The following XNDC1N variants were observed in gnomAD, a reference collection of about 807,000 sequenced individuals.
XNDC1N encodes the protein protein XNDC1N.
chr11:71,866,389 T>C, the XNDC1N span, among the ~76,000 whole-genome samples: 3 of 152,196 alleles, frequency 2.0e-5, no homozygotes, highest in Non-Finnish European at 4.4e-5. Flanking sequence ...GTTTACTGTA[T>C]ACAATGATAT....
the XNDC1N span, chr11:71,903,409 AC>A: frequency 7.4e-7 from 1 of 1,351,346 alleles, no homozygotes; most frequent in Non-Finnish European, 1.1e-6. Flanking sequence ...CATCGGTTTC[AC>A]CTCCACACGG....
At chr11:71,878,490 TG>T in the XNDC1N span, 27 of 1,611,720 alleles carry the variant, frequency 1.7e-5, no homozygotes, top group East Asian at 1.3e-4. Context: ...GTCCTTTCCT[TG>T]ATGTCCACAG....
the XNDC1N span, among the ~76,000 whole-genome samples, chr11:71,879,998 G>A: frequency 1.3e-5 from 2 of 151,602 alleles, no homozygotes; most frequent in African/African-American, 4.8e-5. Context: ...ACACTCTAAA[G>A]GAATGAATTT....
chr11:71,883,727 A>T, the XNDC1N span, among the ~76,000 whole-genome samples: 2 of 152,058 alleles, frequency 1.3e-5, no homozygotes, highest in South Asian at 4.1e-4. Context: ...TTTGGGAAGG[A>T]TTGGTATGTT....
chr11:71,884,416 T>G, the XNDC1N span: 3 of 1,586,310 alleles, frequency 1.9e-6, no homozygotes, highest in Admixed American at 3.6e-5. Flanking sequence ...GCCAGAAGCT[T>G]CACTTCTAAT....
At chr11:71,887,191 G>A in the XNDC1N span, among the ~76,000 whole-genome samples, 1 of 152,168 alleles carries the variant, frequency 6.6e-6, no homozygotes, top group Non-Finnish European at 1.5e-5. Context: ...GCTAGTAACC[G>A]CCCCGGTCGC....
At chr11:71,909,355 C>G in the XNDC1N span, among the ~76,000 whole-genome samples, 2 of 151,548 alleles carry the variant, frequency 1.3e-5, no homozygotes, top group African/African-American at 2.4e-5. Flanking sequence ...GAAGGGAGGC[C>G]CTGGGAAAGA....
chr11:71,915,282 A>T, the XNDC1N span, among the ~76,000 whole-genome samples: 149 of 152,188 alleles, frequency 9.8e-4, no homozygotes, highest in African/African-American at 3.4e-3. Context: ...CCCTGTCTCT[A>T]CTAAAAATAC....
At chr11:71,901,878 A>G in the XNDC1N span, among the ~76,000 whole-genome samples, 1 of 152,102 alleles carries the variant, frequency 6.6e-6, no homozygotes, top group Admixed American at 6.5e-5. Flanking sequence ...AAGTAAAGGC[A>G]AAATGAATTT....
At chr11:71,871,397 A>G in the XNDC1N span, among the ~76,000 whole-genome samples, 1,550 of 152,324 alleles carry the variant, frequency 0.01, 14 homozygotes, top group South Asian at 0.019. Flanking sequence ...TAAGGATATC[A>G]TGGTCAAACA....
the XNDC1N span, chr11:71,914,365 G>A: frequency 2.2e-6 from 1 of 456,170 alleles, no homozygotes; most frequent in Non-Finnish European, 4.4e-6. Flanking sequence ...TTCAGTGGAG[G>A]AAATTAACTG....
the XNDC1N span, among the ~76,000 whole-genome samples, chr11:71,913,473 A>G: frequency 4.6e-5 from 7 of 151,990 alleles, no homozygotes; most frequent in Admixed American, 1.3e-4. Flanking sequence ...AGCCTGGCCA[A>G]TATGTTAAAA....
the XNDC1N span, among the ~76,000 whole-genome samples, chr11:71,914,666 T>C: frequency 6.8e-6 from 1 of 147,360 alleles, no homozygotes; most frequent in Non-Finnish European, 1.5e-5. Context: ...CAGTCCTAGG[T>C]GACAGAGAGA....
the XNDC1N span, among the ~76,000 whole-genome samples, chr11:71,877,217 A>G: frequency 2.0e-5 from 3 of 152,230 alleles, no homozygotes; most frequent in Admixed American, 2.0e-4. Flanking sequence ...CACCAAGAAG[A>G]AGCCATGGCA....
the XNDC1N span, among the ~76,000 whole-genome samples, chr11:71,872,795 T>C: frequency 6.6e-6 from 1 of 152,210 alleles, no homozygotes; most frequent in Admixed American, 6.5e-5. Context: ...TTGCTGGTTC[T>C]AGCACCTTTT....
At chr11:71,892,198 A>AC in the XNDC1N span, among the ~76,000 whole-genome samples, 1 of 152,158 alleles carries the variant, frequency 6.6e-6, no homozygotes, top group Non-Finnish European at 1.5e-5. Context: ...GTCTGTACAC[A>AC]CATGGTGTAC....
chr11:71,872,025 T>C, the XNDC1N span, among the ~76,000 whole-genome samples: 1 of 152,250 alleles, frequency 6.6e-6, no homozygotes, highest in Non-Finnish European at 1.5e-5. Context: ...CTATCCCATA[T>C]ATTAGTATAT....
At chr11:71,913,806 T>C in the XNDC1N span, among the ~76,000 whole-genome samples, 53 of 152,294 alleles carry the variant, frequency 3.5e-4, 1 homozygote, top group South Asian at 9.5e-3. Context: ...TGACTTTAAG[T>C]TGAAGCCAAT....
chr11:71,893,340 G>T, the XNDC1N span: 628 of 563,828 alleles, frequency 1.1e-3, 4 homozygotes, highest in Non-Finnish European at 1.8e-3. Context: ...GAGAAACATT[G>T]CTGGCGGTGT....
Sources: gnomAD v4.1 joint callset for allele counts (sites outside exome capture counted in the v4.1 genomes callset) on GRCh38, gnomAD v4.1.1 for gene constraint, MANE v1.5 for transcripts, NCBI Gene and HGNC (gene_info 2026-07-23, HGNC 2026-07-21) for gene names.